UNC13C: variants seen among roughly 807,000 people sequenced by gnomAD.
UNC13C encodes protein unc-13 homolog C.
A neutral mutation model predicts 245.4 loss-of-function variants in UNC13C; 174 were observed. The observed-to-expected ratio is 0.71, with a 90% CI of 0.63 to 0.80. The LOEUF (loss-of-function observed/expected upper bound fraction) is 0.80, where lower values mean the gene tolerates loss of function less well. Among genes scored for constraint, UNC13C ranks in the 30% least tolerant of loss-of-function variants. UNC13C has a pLI of 0.00. For missense variants in UNC13C, 2,829 were observed against 2,602.9 expected (o/e 1.09, Z -1.89); for synonymous variants, 992 against 895.1 (o/e 1.11, Z -1.93).
intron 2 of UNC13C, chr15:54,050,223 C>T (rs1254302192): frequency 5.7e-6 from 3 of 529,356 alleles, no homozygotes; most frequent in Non-Finnish European, 1.1e-5. Context: ...CCACCCACCT[C>T]AGCCTCCCAA....
At chr15:54,143,925 C>A (rs2032140849) in intron 4 of UNC13C, among the ~76,000 whole-genome samples, 1 of 151,910 alleles carries the variant, frequency 6.6e-6, no homozygotes. Flanking sequence ...ATCAACTAAC[C>A]AGTTTAACTG....
intron 2 of UNC13C, among the ~76,000 whole-genome samples, chr15:54,034,717 A>G (rs1347668153): frequency 6.6e-6 from 1 of 152,218 alleles, no homozygotes; most frequent in Non-Finnish European, 1.5e-5. Context: ...TACACAATGT[A>G]CTTTGTGAAC....
intron 13 of UNC13C, among the ~76,000 whole-genome samples, chr15:54,312,346 T>C (rs568532779): frequency 1.3e-5 from 2 of 151,762 alleles, no homozygotes; most frequent in Non-Finnish European, 2.9e-5. Flanking sequence ...CCTGTAAACT[T>C]TGAAAGACCA....
intron 4 of UNC13C, among the ~76,000 whole-genome samples, chr15:54,161,901 T>C (rs1002360410): frequency 1.3e-5 from 2 of 152,004 alleles, no homozygotes; most frequent in Non-Finnish European, 2.9e-5. Context: ...TGAGCCGAGA[T>C]TGCGCCACTG....
At position 54,126,470 on chromosome 15, in the gene UNC13C, A is replaced by G. The variant is rs144087812; in HGVS notation, c.2984-16548A>G. On this transcript the variant is annotated intron_variant, in intron 2 of 32. Coordinates refer to ENST00000260323, the MANE Select transcript of UNC13C (RefSeq NM_001080534.3). The stretch of plus-strand genomic sequence containing the variant: ...CCAAATAAAAAGCTGCAAAATAAAT[A>G]AAGCAAAAGCTGACACAAAGGAAAA... Among the ~76,000 whole-genome samples, 30 of 152,316 alleles carry G rather than the reference A, an allele frequency of 2.0e-4. 1 individual carries two copies. The highest frequency in any genetic ancestry group is 7.2e-4 in the African/African-American group (30 of 41,582).
chr15:54,296,879 T>C (rs2037449556), intron 11 of UNC13C, among the ~76,000 whole-genome samples: 1 of 152,198 alleles, frequency 6.6e-6, no homozygotes, highest in Admixed American at 6.5e-5. Context: ...CAGCCTAGAT[T>C]ATGCCTCTAT....
At chr15:54,587,904 C>A (rs1216173075) in intron 30 of UNC13C, among the ~76,000 whole-genome samples, 3 of 152,198 alleles carry the variant, frequency 2.0e-5, no homozygotes, top group African/African-American at 7.2e-5. Context: ...CTAATTGAGT[C>A]ATATTTTTAA....
chr15:54,512,200 T>G (rs1012470040), intron 24 of UNC13C: 3 of 386,772 alleles, frequency 7.8e-6, no homozygotes, highest in African/African-American at 6.3e-5. Context: ...ATGTTTATTC[T>G]GCAATATGCT....
At chr15:54,090,906 T>C (rs1245857362) in intron 2 of UNC13C, among the ~76,000 whole-genome samples, 1 of 152,072 alleles carries the variant, frequency 6.6e-6, no homozygotes, top group Non-Finnish European at 1.5e-5. Flanking sequence ...TGTCAGTAGG[T>C]ACTTGATGAT....
chr15:54,167,687 T>C (rs942572468), intron 4 of UNC13C, among the ~76,000 whole-genome samples: 1 of 146,642 alleles, frequency 6.8e-6, no homozygotes, highest in Admixed American at 6.8e-5. Context: ...AAATCTATCA[T>C]ATTTTTAAGC....
chr15:54,449,116 G>T (rs377754709), intron 19 of UNC13C, among the ~76,000 whole-genome samples: 2 of 152,142 alleles, frequency 1.3e-5, no homozygotes, highest in East Asian at 3.9e-4. Flanking sequence ...ACTCTCTTCT[G>T]GCTTGTGGAG....
intron 26 of UNC13C, among the ~76,000 whole-genome samples, chr15:54,534,756 C>T (rs567381013): frequency 2.0e-5 from 3 of 152,114 alleles, no homozygotes; most frequent in African/African-American, 7.2e-5. Context: ...GATGGAGCTG[C>T]AAAACTCACT....
At chr15:53,928,801 T>C in the UNC13C span, among the ~76,000 whole-genome samples, 1 of 152,210 alleles carries the variant, frequency 6.6e-6, no homozygotes, top group Non-Finnish European at 1.5e-5. Flanking sequence ...TCACCCACTG[T>C]ATAAGTGATC....
At chr15:54,143,975 T>G (rs2032142988) in intron 4 of UNC13C, among the ~76,000 whole-genome samples, 1 of 152,160 alleles carries the variant, frequency 6.6e-6, no homozygotes, top group African/African-American at 2.4e-5. Flanking sequence ...ATCACAAAAT[T>G]TTATACAAAT....
chr15:53,849,092 G>A, the UNC13C span, among the ~76,000 whole-genome samples: 144,450 of 151,504 alleles, frequency 0.95, 69,271 homozygotes, highest in Non-Finnish European at 1. Flanking sequence ...ATTTATATAT[G>A]TATTTTTATA....
chr15:54,250,196 T>C (rs1209379684), intron 7 of UNC13C, 29 bp from the exon 8 acceptor site: 1 of 1,592,974 alleles, frequency 6.3e-7, no homozygotes. Flanking sequence ...GACTTGGCGG[T>C]GCATTGGTAA....
At chr15:54,300,637 C>T (rs1318898974) in intron 13 of UNC13C, among the ~76,000 whole-genome samples, 1 of 152,158 alleles carries the variant, frequency 6.6e-6, no homozygotes, top group Non-Finnish European at 1.5e-5. Flanking sequence ...GGCAACTTAG[C>T]AATGCAAATT....
At chr15:54,302,280 A>G (rs1268771025) in intron 13 of UNC13C, among the ~76,000 whole-genome samples, 2 of 151,992 alleles carry the variant, frequency 1.3e-5, no homozygotes, top group African/African-American at 4.8e-5. Flanking sequence ...GCTGTGCAGA[A>G]GCTCTTTAGT....
intron 4 of UNC13C, among the ~76,000 whole-genome samples, chr15:54,182,288 C>T (rs572661732): frequency 2.9e-4 from 44 of 151,950 alleles, no homozygotes; most frequent in African/African-American, 4.6e-4. Flanking sequence ...TCTATTGAGA[C>T]GATCATATGA....
Sources: gnomAD v4.1 joint callset for allele counts (sites outside exome capture counted in the v4.1 genomes callset) on GRCh38, gnomAD v4.1.1 for gene constraint, MANE v1.5 for transcripts, NCBI Gene and HGNC (gene_info 2026-07-23, HGNC 2026-07-21) for gene names.